The following ALK variants were observed in gnomAD, a reference collection of about 807,000 sequenced individuals.
ALK encodes ALK receptor tyrosine kinase.
ALK carries 74 observed loss-of-function variants against 163.1 expected under a neutral mutation model. The ratio of observed to expected loss-of-function variants is 0.45; its 90% CI spans 0.38 to 0.55. ALK has a LOEUF of 0.55. ALK is among the 20% of genes least tolerant of loss of function. The pLI, the probability that ALK is intolerant of heterozygous loss-of-function variation, is 0.00. For missense variants in ALK, 2,063 were observed against 2,105.3 expected (o/e 0.98, Z 0.39); for synonymous variants, 960 against 843.2 (o/e 1.14, Z -2.40).
At chr2:29,608,729 C>A (rs1465819997) in intron 3 of ALK, among the ~76,000 whole-genome samples, 1 of 152,140 alleles carries the variant, frequency 6.6e-6, no homozygotes, top group Non-Finnish European at 1.5e-5. Flanking sequence ...GATGTTTGTC[C>A]TTAAATAGCC....
intron 11 of ALK, among the ~76,000 whole-genome samples, chr2:29,259,007 T>C (rs923649029): frequency 7.2e-5 from 11 of 152,198 alleles, no homozygotes; most frequent in Non-Finnish European, 1.2e-4. Context: ...CATATGTATA[T>C]CACAAGGTAC....
At chr2:29,874,069 C>T (rs1201892816) in intron 1 of ALK, among the ~76,000 whole-genome samples, 5 of 152,148 alleles carry the variant, frequency 3.3e-5, no homozygotes, top group Non-Finnish European at 5.9e-5. Context: ...CATCAAAGCA[C>T]CCATTAACTA....
At chr2:29,344,871 C>T (rs1211440365) in intron 5 of ALK, among the ~76,000 whole-genome samples, 1 of 152,026 alleles carries the variant, frequency 6.6e-6, no homozygotes, top group Admixed American at 6.6e-5. Flanking sequence ...GAATTCTAAA[C>T]AAAAGAGAAA....
intron 3 of ALK, among the ~76,000 whole-genome samples, chr2:29,658,489 A>T (rs193266915): frequency 6.6e-5 from 10 of 152,322 alleles, no homozygotes; most frequent in Admixed American, 5.2e-4. Flanking sequence ...TCTTGGAGAC[A>T]TGTCAACTAC....
intron 1 of ALK, among the ~76,000 whole-genome samples, chr2:29,899,326 G>A (rs76666805): frequency 5.9e-5 from 9 of 152,214 alleles, no homozygotes; most frequent in Non-Finnish European, 1.2e-4. Context: ...GTTCTCCAAA[G>A]ACCCTTGCCC....
chr2:29,711,215 C>G (rs897898768), intron 2 of ALK, among the ~76,000 whole-genome samples: 1 of 152,148 alleles, frequency 6.6e-6, no homozygotes, highest in Non-Finnish European at 1.5e-5. Context: ...CCAGCCTCAC[C>G]CCAGGTCCTC....
Position 29,260,514 on chromosome 2 carries a change from T to C in ALK, c.2042-9247A>G, listed in dbSNP as rs77551328. Among the ~76,000 whole-genome samples, 653 of 152,354 alleles carry C rather than the reference T, an allele frequency of 4.3e-3. 6 individuals carry two copies. Among genetic ancestry groups the C allele is most frequent in the African/African-American group, 0.015 (621 of 41,576 alleles). On this transcript the variant is annotated intron_variant, in intron 11 of 28. Transcript: ENST00000389048. ...CTTTTTTATTTCACAGAACTCCCTC[T>C]ACTCCTTTTTTTAATACAGTGTTCA...
intron 4 of ALK, among the ~76,000 whole-genome samples, chr2:29,505,405 A>G (rs1672292181): frequency 6.6e-6 from 1 of 152,176 alleles, no homozygotes; most frequent in Non-Finnish European, 1.5e-5. Flanking sequence ...TTACAAGAGA[A>G]GTTCAAGTGG....
chr2:29,629,573 A>T (rs895708055), intron 3 of ALK, among the ~76,000 whole-genome samples: 4 of 152,164 alleles, frequency 2.6e-5, no homozygotes, highest in Non-Finnish European at 5.9e-5. Context: ...TTTCTGTTAC[A>T]CCTAGCACAG....
intron 3 of ALK, among the ~76,000 whole-genome samples, chr2:29,557,097 C>G (rs1319813902): frequency 6.6e-6 from 1 of 152,140 alleles, no homozygotes; most frequent in African/African-American, 2.4e-5. Flanking sequence ...ATTTTGTTCT[C>G]TAGTACTGTG....
rs138802227 is a variant in ALK, at chr2:29,589,702, G to A, written c.953-57586C>T. Among the ~76,000 whole-genome samples, 725 of 152,236 alleles carry A rather than the reference G, an allele frequency of 4.8e-3. 10 individuals are homozygous for A. The highest frequency in any genetic ancestry group is 0.016 in the African/African-American group (669 of 41,538). On this transcript the variant is annotated intron_variant, in intron 3 of 28. Transcript: ENST00000389048. Reference sequence around the variant, plus strand: ...TATTGTATAGAGTTGGGGCCTTCTCGTTCATGGTTACAGCTCGGGAAGTTA... The same window carrying A: ...TATTGTATAGAGTTGGGGCCTTCTCATTCATGGTTACAGCTCGGGAAGTTA...
chr2:29,666,623 G>T (rs1677521143), intron 3 of ALK, among the ~76,000 whole-genome samples: 1 of 152,010 alleles, frequency 6.6e-6, no homozygotes, highest in Non-Finnish European at 1.5e-5. Context: ...TCTGAAAGAG[G>T]ATGATGGGCT....
At chr2:29,234,086 G>A (rs1664303067) in intron 13 of ALK, among the ~76,000 whole-genome samples, 1 of 152,070 alleles carries the variant, frequency 6.6e-6, no homozygotes, top group African/African-American at 2.4e-5. Context: ...AGAGGGAAGT[G>A]GGTGAGTGGG....
intron 3 of ALK, among the ~76,000 whole-genome samples, chr2:29,674,557 T>C (rs1274739663): frequency 2.0e-5 from 3 of 150,826 alleles, no homozygotes; most frequent in Admixed American, 6.6e-5. Flanking sequence ...CTTTTTGATG[T>C]GCTGCTGGAT....
intron 4 of ALK, among the ~76,000 whole-genome samples, chr2:29,456,205 A>G (rs1286686763): frequency 1.3e-5 from 2 of 152,166 alleles, no homozygotes; most frequent in Admixed American, 1.3e-4. Context: ...TGCTCCAGCA[A>G]TTCTACTCCT....
intron 1 of ALK, among the ~76,000 whole-genome samples, chr2:29,844,419 C>A (rs1269714614): frequency 6.6e-6 from 1 of 152,076 alleles, no homozygotes; most frequent in Non-Finnish European, 1.5e-5. Context: ...AGACAATGAA[C>A]AACAGGATTT....
At chr2:29,516,311 T>C (rs4567889) in intron 4 of ALK, among the ~76,000 whole-genome samples, 57,682 of 152,136 alleles carry the variant, frequency 0.38, 11,972 homozygotes, top group South Asian at 0.57. Flanking sequence ...GGGCACAGCA[T>C]GAAACATCTC....
intron 4 of ALK, among the ~76,000 whole-genome samples, chr2:29,398,372 C>T (rs1027365193): frequency 6.6e-6 from 1 of 152,142 alleles, no homozygotes; most frequent in Non-Finnish European, 1.5e-5. Context: ...TTGATAAGGG[C>T]TCGGCCATCT....
intron 1 of ALK, among the ~76,000 whole-genome samples, chr2:29,840,317 T>C (rs749050881): frequency 6.6e-6 from 1 of 152,146 alleles, no homozygotes; most frequent in Non-Finnish European, 1.5e-5. Flanking sequence ...CTTGGAGAGA[T>C]AAAGAGATAG....
Sources: allele counts gnomAD v4.1 joint callset (sites outside exome capture counted in the v4.1 genomes callset), GRCh38; gene constraint gnomAD v4.1.1; transcripts MANE v1.5; gene names NCBI Gene and HGNC (gene_info 2026-07-23, HGNC 2026-07-21).